The following ERI1 variants were observed in gnomAD, a reference collection of about 807,000 sequenced individuals.
ERI1 encodes exoribonuclease 1.
A neutral mutation model predicts 39.7 loss-of-function variants in ERI1; 39 were observed. That is an observed-to-expected ratio of 0.98 (90% CI 0.76 to 1.28). ERI1 has a LOEUF of 1.28. Ranked by LOEUF, ERI1 falls within the 50% of genes most tolerant of loss-of-function variation. ERI1 has a pLI of 0.00. For missense variants in ERI1, 581 were observed against 416.9 expected (o/e 1.39, Z -3.43); for synonymous variants, 204 against 149.6 (o/e 1.36, Z -2.65).
intron 3 of ERI1, among the ~76,000 whole-genome samples, chr8:9,080,473 A>T (rs1206459009): frequency 6.6e-6 from 1 of 152,218 alleles, no homozygotes; most frequent in Non-Finnish European, 1.5e-5. Flanking sequence ...AACAGCACAC[A>T]TGCTAGGCTG....
At chr8:9,013,511 C>G (rs2117211943) in intron 3 of ERI1, among the ~76,000 whole-genome samples, 1 of 152,084 alleles carries the variant, frequency 6.6e-6, no homozygotes. Context: ...ACCCAGGTCT[C>G]AATCCTAGCC....
At position 9,011,656 on chromosome 8, in the gene ERI1, C is replaced by T; in HGVS notation, c.402C>T (p.Asp134=). 2 of 1,613,566 alleles carry T rather than the reference C, an allele frequency of 1.2e-6. No individual in the cohort carries two copies. Among genetic ancestry groups the T allele is most frequent in the Non-Finnish European group, 1.7e-6 (2 of 1,179,636 alleles). Residue 134 remains aspartate (D), a synonymous_variant, in exon 3 of 7, where the codon GAC becomes GAT. Transcript: ENST00000250263. The part of the protein sequence containing the change: ...DSYYDYICII[D]FEATCEEGNP... ...ATTATGACTACATTTGTATTATTGA[C>T]TTTGAAGCCACTTGTGAAGAAGGAA... is the stretch of plus-strand genomic sequence containing the variant.
At chr8:9,014,928 C>T (rs888293254) in intron 3 of ERI1, among the ~76,000 whole-genome samples, 1 of 152,094 alleles carries the variant, frequency 6.6e-6, no homozygotes, top group Admixed American at 6.5e-5. Flanking sequence ...ACCTCTGCCT[C>T]CTGGGTTCAA....
intron 2 of ERI1, among the ~76,000 whole-genome samples, chr8:9,008,470 T>C (rs898458172): frequency 6.6e-6 from 1 of 152,206 alleles, no homozygotes; most frequent in Admixed American, 6.5e-5. Context: ...ATTAGTGAGA[T>C]AGAGTATTTT....
chr8:9,083,997 G>A (rs948985707), intron 3 of ERI1, among the ~76,000 whole-genome samples: 2 of 152,114 alleles, frequency 1.3e-5, no homozygotes, highest in African/African-American at 4.8e-5. Flanking sequence ...GTTTCACCGT[G>A]TTAGCCAGGA....
intron 1 of ERI1, among the ~76,000 whole-genome samples, chr8:9,005,823 A>T (rs889312904): frequency 6.6e-6 from 1 of 152,220 alleles, no homozygotes; most frequent in Admixed American, 6.5e-5. Flanking sequence ...AGTTTGCCAC[A>T]AGATAGTAAA....
At chr8:9,036,284 A>T (rs1369262626), downstream of ERI1, among the ~76,000 whole-genome samples, 1 of 152,220 alleles carries the variant, frequency 6.6e-6, no homozygotes. Flanking sequence ...GTGAAAGCAC[A>T]AATATCAGTT....
intron 3 of ERI1, among the ~76,000 whole-genome samples, chr8:9,044,383 G>A (rs1585255627): frequency 6.6e-6 from 1 of 152,128 alleles, no homozygotes; most frequent in African/African-American, 2.4e-5. Flanking sequence ...GAATCAGGAG[G>A]ATGTGAGGAA....
chr8:9,058,878 C>G (rs1320033964), intron 3 of ERI1, among the ~76,000 whole-genome samples: 1 of 147,140 alleles, frequency 6.8e-6, no homozygotes, highest in Non-Finnish European at 1.5e-5. Context: ...AATCTTTTAT[C>G]TTTGGCCTTT....
chr8:9,052,266 A>G (rs904347799), intron 3 of ERI1, among the ~76,000 whole-genome samples: 9 of 150,610 alleles, frequency 6.0e-5, no homozygotes, highest in South Asian at 2.1e-4. Flanking sequence ...TCTGTGTTCT[A>G]TTTCTCTGCT....
intron 2 of ERI1, chr8:9,009,218 C>A (rs1379533919): frequency 5.5e-6 from 2 of 361,140 alleles, no homozygotes; most frequent in African/African-American, 4.3e-5. Context: ...AAGGTAAATA[C>A]AGATATGTTC....
At chr8:9,071,063 C>G (rs1799033151) in intron 3 of ERI1, among the ~76,000 whole-genome samples, 1 of 152,148 alleles carries the variant, frequency 6.6e-6, no homozygotes, top group Non-Finnish European at 1.5e-5. Flanking sequence ...TTCCAGTTTC[C>G]CAAAGCAACA....
chr8:9,004,215 C>T, intron 1 of ERI1: 1 of 1,273,776 alleles, frequency 7.9e-7, no homozygotes. Flanking sequence ...TCAAAGAGTA[C>T]TTGCACATCC....
chr8:9,075,311 A>G (rs1041473218), intron 3 of ERI1, among the ~76,000 whole-genome samples: 30 of 152,112 alleles, frequency 2.0e-4, no homozygotes, highest in Admixed American at 5.2e-4. Context: ...CCTTGGATAC[A>G]TGTGTTATAT....
chr8:9,018,602 A>G (rs1004146474), intron 5 of ERI1, among the ~76,000 whole-genome samples, 196 bp downstream of exon 5: 1 of 152,242 alleles, frequency 6.6e-6, no homozygotes, highest in Non-Finnish European at 1.5e-5. Flanking sequence ...ATACAGGACT[A>G]GAACACTACA....
chr8:9,064,475 C>T (rs916320838), intron 3 of ERI1, among the ~76,000 whole-genome samples: 24 of 150,072 alleles, frequency 1.6e-4, no homozygotes, highest in East Asian at 4.0e-4. Flanking sequence ...TGACTGGCAC[C>T]GGAGTTTTGG....
Position 9,004,728 on chromosome 8 carries a change from C to A in ERI1, c.108+1557C>A, listed in dbSNP as rs191998945. ...GGAGACGGAGTTTCGTTCTTGTTGCCCAGTCTGGAGTGCAATGGCATGGTC... is the reference window on the plus strand; with the variant it reads ...GGAGACGGAGTTTCGTTCTTGTTGCACAGTCTGGAGTGCAATGGCATGGTC... On this transcript the variant is annotated intron_variant, in intron 1 of 6. Coordinates refer to ENST00000250263, the MANE Select transcript of ERI1 (RefSeq NM_153332.4). Among the ~76,000 whole-genome samples the A allele has an allele frequency of 9.5e-3, 1,314 of 138,066 alleles. 19 individuals carry two copies. The highest frequency in any genetic ancestry group is 0.034 in the African/African-American group (1,239 of 36,572). The allele number at this position is 138,066 out of a possible 152,430, so 90.6% of individuals were successfully genotyped here. A position where few individuals can be genotyped will look rare whatever the true frequency, so the allele number is the denominator to read the frequency against.
rs192485925 is a variant in ERI1, at chr8:9,047,937, A to G, written n.299+27473A>G. ...TGCCTTGGCTTGATCTCTTCAAACA[A>G]GTCCAAGAGGGAGATTCTGTTATTA... On this transcript the variant is annotated intron_variant and non_coding_transcript_variant, in intron 3 of 3. Coordinates refer to the ERI1 transcript ENST00000518663. Among the ~76,000 whole-genome samples, 652 of 152,358 alleles carry G rather than the reference A, an allele frequency of 4.3e-3. 3 individuals carry two copies. The highest frequency in any genetic ancestry group is 9.5e-3 in the Admixed American group (146 of 15,306).
At chr8:9,039,029 A>G (rs530808424) in intron 3 of ERI1, among the ~76,000 whole-genome samples, 2 of 152,246 alleles carry the variant, frequency 1.3e-5, no homozygotes, top group African/African-American at 2.4e-5. Flanking sequence ...TGTTGAAAAC[A>G]GAATTTTTGA....
Sources: gnomAD v4.1 joint callset for allele counts (sites outside exome capture counted in the v4.1 genomes callset) on GRCh38, gnomAD v4.1.1 for gene constraint, MANE v1.5 for transcripts, NCBI Gene and HGNC (gene_info 2026-07-23, HGNC 2026-07-21) for gene names.